The following RPL28 variants were observed in gnomAD, a reference collection of about 807,000 sequenced individuals.
RPL28 encodes the protein ribosomal protein L28, also known as large ribosomal subunit protein eL28.
Under a neutral mutation model 12.5 loss-of-function variants are expected in RPL28, and 4 were observed. The ratio of observed to expected loss-of-function variants is 0.32; its 90% CI spans 0.16 to 0.73. The LOEUF (loss-of-function observed/expected upper bound fraction) is 0.73, where lower values mean the gene tolerates loss of function less well. Among genes scored for constraint, RPL28 ranks in the 30% least tolerant of loss-of-function variants. RPL28 has a pLI of 0.66. For missense variants in RPL28, 214 were observed against 197.7 expected, an observed-to-expected ratio of 1.08 and a Z score of -0.49; for synonymous variants, 91 against 72.5, an observed-to-expected ratio of 1.26 and a Z score of -1.30.
intron 3 of RPL28, 61 bp from the exon 4 acceptor site, chr19:55,387,869 A>C: frequency 6.6e-7 from 1 of 1,508,066 alleles, no homozygotes; most frequent in Non-Finnish European, 8.9e-7. Context: ...CACACCTGCG[A>C]GGTGTGCTAA....
Position 55,388,742 on chromosome 19 carries a change from G to C in RPL28, c.*410G>C. ...GCTGTAGCACGGTTTGGGGACTTGG[G>C]GTGTTCCCAAGACCTGGGGGACGAC... On this transcript the variant is annotated 3_prime_UTR_variant, in exon 5 of 5. Transcript: ENST00000344063. 9.8e-7 allele frequency: 1 copy of C among 1,017,382 alleles called. No individual in the cohort carries two copies. The highest frequency in any genetic ancestry group is 1.2e-6 in the Non-Finnish European group (1 of 851,708). The allele number at this position is 1,017,382 out of a possible 1,614,324, so 63.0% of individuals were successfully genotyped here. A position where few individuals can be genotyped will look rare whatever the true frequency, so the allele number is the denominator to read the frequency against.
At chr19:55,400,369 C>T (rs1179214827) in intron 4 of RPL28, 1 of 152,146 alleles carries the variant, frequency 6.6e-6, no homozygotes, top group Non-Finnish European at 1.5e-5. Flanking sequence ...AACCTAAACG[C>T]ATTAATAGAA....
At chr19:55,386,104 T>G in intron 1 of RPL28, 139 bp downstream of exon 1, 1 of 511,714 alleles carries the variant, frequency 2.0e-6, no homozygotes, top group Non-Finnish European at 3.6e-6. Flanking sequence ...CGTTGTGAAT[T>G]TTCAAGTTAT....
chr19:55,387,605 C>T lies in RPL28; in HGVS notation c.206-325C>T, dbSNP rs2089945094. On this transcript the variant is annotated intron_variant, in intron 3 of 4. Coordinates refer to ENST00000344063, the MANE Select transcript of RPL28 (RefSeq NM_000991.5). ...GGGGTTCCTGGGAAGCTGTTCATAC[C>T]CATTGCCAGGAGCGTGGGCTCTGGC... is the stretch of plus-strand genomic sequence containing the variant. The T allele has an allele frequency of 4.3e-6, 6 of 1,401,028 alleles. No individual in the cohort carries two copies. In the East Asian group the frequency reaches 1.3e-4, roughly 31 times the overall value. 86.8% of individuals were successfully genotyped at this position (1,401,028 alleles called of 1,614,324 possible). A position where few individuals can be genotyped will look rare whatever the true frequency, so the allele number is the denominator to read the frequency against.
At chr19:55,394,044 C>T (rs1276004511), downstream of RPL28, among the ~76,000 whole-genome samples, 1 of 151,894 alleles carries the variant, frequency 6.6e-6, no homozygotes, top group African/African-American at 2.4e-5. Flanking sequence ...AGGCGGATCA[C>T]AAGGTCAGGA....
At chr19:55,394,858 C>G (rs1448787137), downstream of RPL28, among the ~76,000 whole-genome samples, 1 of 151,542 alleles carries the variant, frequency 6.6e-6, no homozygotes, top group Non-Finnish European at 1.5e-5. Flanking sequence ...TGCCTGGCCC[C>G]ACCCAGAATT....
At chr19:55,399,897 T>G (rs1332779849) in intron 4 of RPL28, 2 of 152,222 alleles carry the variant, frequency 1.3e-5, no homozygotes, top group Non-Finnish European at 2.9e-5. Context: ...ATTTCTTGGA[T>G]GGCCAGTGAT....
Position 55,387,947 on chromosome 19 carries a change from A to G in RPL28, c.223A>G (p.Thr75Ala). The G allele has an allele frequency of 6.3e-7, 1 of 1,580,994 alleles. No homozygotes were observed. Among genetic ancestry groups the G allele is most frequent in the Non-Finnish European group, 8.6e-7 (1 of 1,162,352 alleles). ...KRRSGQRKPATSYVRTTINKN... is the reference protein window; with the variant it reads ...KRRSGQRKPAASYVRTTINKN... Reference sequence around the variant, plus strand: ...CCAACCAGGCCAGCGGAAGCCTGCCACCTCCTATGTGCGGACCACCATCAA... The same window carrying G: ...CCAACCAGGCCAGCGGAAGCCTGCCGCCTCCTATGTGCGGACCACCATCAA... The change falls in exon 4 of 5, where the codon ACC becomes GCC. Residue 75 changes from threonine to alanine, a missense_variant. Transcript: ENST00000344063.
intron 3 of RPL28, chr19:55,387,210 CGT>C (rs2089939909): frequency 1.4e-6 from 2 of 1,428,786 alleles, no homozygotes; most frequent in African/African-American, 2.8e-5. Flanking sequence ...CCTGAATGTT[CGT>C]GTGAGTCGGG....
intron 4 of RPL28, among the ~76,000 whole-genome samples, chr19:55,402,684 T>C (rs1028936859): frequency 6.6e-6 from 1 of 152,176 alleles, no homozygotes. Context: ...GCTGCTCTTC[T>C]TGCTGGCTGA....
In RPL28 at chr19:55,401,634, G is replaced by A. The variant is rs759749637; in HGVS notation, c.325-1309G>A. ...CGGCCCTGCCGCTGGGCCCGCCGGC[G>A]CCCCCGTGGATCTCTGTGAGCAGAC... On this transcript the variant is annotated intron_variant, in intron 4 of 4. Transcript: ENST00000560055. 119 of 1,606,104 alleles carry A rather than the reference G, an allele frequency of 7.4e-5. No individual in the cohort carries two copies. The East Asian group carries it at 1.6e-3, about 21-fold the overall frequency.
chr19:55,403,096 C>A, exon 5 of RPL28: 1 of 1,034,020 alleles, frequency 9.7e-7, no homozygotes, highest in Non-Finnish European at 1.5e-6. Flanking sequence ...CCTTGGCCTC[C>A]ACCCACTAGA....
intron 1 of RPL28, 89 bp from the exon 2 acceptor site, chr19:55,386,261 T>G: frequency 8.0e-7 from 1 of 1,255,668 alleles, no homozygotes; most frequent in East Asian, 2.5e-5. Flanking sequence ...CCAGTCGCTC[T>G]CTTCCTCTGC....
rs1156391968 is a variant in RPL28, at chr19:55,389,612, T to G, written c.*1280T>G. 2.7e-5 allele frequency: 27 copies of G among 985,376 alleles called. No individual in the cohort carries two copies. The highest frequency in any genetic ancestry group is 3.0e-5 in the Non-Finnish European group (25 of 829,986). 61.0% of individuals were successfully genotyped at this position (985,376 alleles called of 1,614,324 possible). ...TCGTACGGGGCTGGGAGCCCTGCGT[T>G]TTGAGGCAGACCACTGCCCTTCCGA... On this transcript the variant is annotated 3_prime_UTR_variant, in exon 5 of 5. Transcript: ENST00000344063.
At position 55,390,091 on chromosome 19, in the gene RPL28, T is replaced by C; in HGVS notation, c.*1759T>C. 1 of 985,442 alleles carries C rather than the reference T, an allele frequency of 1.0e-6. No individual in the cohort carries two copies. The highest frequency in any genetic ancestry group is 1.2e-6 in the Non-Finnish European group (1 of 829,960). The allele number at this position is 985,442 out of a possible 1,614,324, so 61.0% of individuals were successfully genotyped here. A position where few individuals can be genotyped will look rare whatever the true frequency, so the allele number is the denominator to read the frequency against. ...CAAGCTGGCAGGTTTATCTGTCTCA[T>C]GTTTGTCTTGTGCTGGTGGGCAAGG... On this transcript the variant is annotated 3_prime_UTR_variant, in exon 5 of 5. Transcript: ENST00000344063.
At chr19:55,386,972 C>T (rs1000121465) in intron 3 of RPL28, 1 of 1,445,344 alleles carries the variant, frequency 6.9e-7, no homozygotes, top group Non-Finnish European at 9.1e-7. Flanking sequence ...TTGATGTTTT[C>T]AGATGAAATT....
At chr19:55,387,887 G>T in intron 3 of RPL28, 43 bp from the exon 4 acceptor site, 1 of 1,526,562 alleles carries the variant, frequency 6.6e-7, no homozygotes. Flanking sequence ...TAAAGGTGCA[G>T]GTTAGGTGGA....
In RPL28 at chr19:55,385,962, G is replaced by T; in HGVS notation, c.-12G>T. 4.0e-6 allele frequency: 1 copy of T among 250,504 alleles called. No individual in the cohort carries two copies. The highest frequency in any genetic ancestry group is 9.5e-5 in the East Asian group (1 of 10,560). The allele number at this position is 250,504 out of a possible 1,614,324, so 15.5% of individuals were successfully genotyped here. A position where few individuals can be genotyped will look rare whatever the true frequency, so the allele number is the denominator to read the frequency against. On this transcript the variant is annotated 5_prime_UTR_variant, in exon 1 of 5. Coordinates refer to ENST00000344063, the MANE Select transcript of RPL28 (RefSeq NM_000991.5). ...TCCGTCTCAGGTCGCCGCTGCGAAG[G>T]GAGGTGAGCGTTCGTCTTCCTCGCG...
At chr19:55,386,000 C>T in intron 1 of RPL28, 35 bp downstream of exon 1, 1 of 272,774 alleles carries the variant, frequency 3.7e-6, no homozygotes, top group South Asian at 4.1e-5. Context: ...GTCGCCATCT[C>T]CGGCCCGCCG....
Sources: gnomAD v4.1 joint callset for allele counts (sites outside exome capture counted in the v4.1 genomes callset) on GRCh38, gnomAD v4.1.1 for gene constraint, MANE v1.5 for transcripts, NCBI Gene and HGNC (gene_info 2026-07-23, HGNC 2026-07-21) for gene names.